DLGAP2: variants seen among roughly 807,000 people sequenced by gnomAD.
The protein encoded by DLGAP2 is disks large-associated protein 2.
DLGAP2 carries 26 observed loss-of-function variants against 100.3 expected under a neutral mutation model. That is an observed-to-expected ratio of 0.26 (90% CI 0.19 to 0.36). The LOEUF (loss-of-function observed/expected upper bound fraction) is 0.36. Ranked by LOEUF, DLGAP2 falls within the 10% of genes least tolerant of loss-of-function variation. The pLI is 1.00. For synonymous variants in DLGAP2, 886 were observed against 630.1 expected (o/e 1.41, Z -6.08); for missense variants, 1,858 against 1,453.2 (o/e 1.28, Z -4.53).
chr8:1,357,540 T>G (rs1000867819), intron 3 of DLGAP2, among the ~76,000 whole-genome samples: 2 of 152,108 alleles, frequency 1.3e-5, no homozygotes, highest in African/African-American at 2.4e-5. Context: ...ACAGCAAATA[T>G]TTCCCGCCTC....
intron 2 of DLGAP2, among the ~76,000 whole-genome samples, chr8:961,710 CTA>C (rs531702421): frequency 1.7e-4 from 26 of 152,088 alleles, no homozygotes; most frequent in Non-Finnish European, 1.9e-4. Context: ...TAAAACATAA[CTA>C]TGTGAAAATT....
chr8:922,234 C>G (rs2129001664), intron 2 of DLGAP2, among the ~76,000 whole-genome samples: 1 of 152,328 alleles, frequency 6.6e-6, no homozygotes, highest in East Asian at 1.9e-4. Context: ...AGCCTTCTCT[C>G]TTCTCTAACC....
At chr8:927,502 A>G (rs1229669842) in intron 2 of DLGAP2, among the ~76,000 whole-genome samples, 1 of 152,160 alleles carries the variant, frequency 6.6e-6, no homozygotes, top group Non-Finnish European at 1.5e-5. Flanking sequence ...AGGTCCTTAA[A>G]GTTCAAAGTC....
chr8:850,025 C>CT (rs1484295104), intron 1 of DLGAP2, among the ~76,000 whole-genome samples: 2 of 148,054 alleles, frequency 1.4e-5, no homozygotes, highest in Admixed American at 1.4e-4. Flanking sequence ...GATTGTGCCA[C>CT]GCACTCCAGC....
chr8:1,267,970 A>T (rs977197821), intron 3 of DLGAP2, among the ~76,000 whole-genome samples: 1 of 152,230 alleles, frequency 6.6e-6, no homozygotes, highest in Non-Finnish European at 1.5e-5. Flanking sequence ...TGCTGCATTT[A>T]GAATCAGAGG....
intron 1 of DLGAP2, among the ~76,000 whole-genome samples, chr8:773,568 A>G (rs1288347448): frequency 2.3e-4 from 33 of 145,190 alleles, no homozygotes; most frequent in Non-Finnish European, 1.6e-4. Context: ...TCATTGTTCA[A>G]TTCCCACCTA....
At chr8:1,188,486 G>A (rs147137109) in intron 2 of DLGAP2, among the ~76,000 whole-genome samples, 9,054 of 128,444 alleles carry the variant, frequency 0.07, 515 homozygotes, top group South Asian at 0.13. Flanking sequence ...CTTCCGTGAC[G>A]TTTCCCTCAC....
intron 2 of DLGAP2, among the ~76,000 whole-genome samples, chr8:1,171,976 T>C (rs942182267): frequency 9.2e-5 from 14 of 152,296 alleles, no homozygotes; most frequent in African/African-American, 3.4e-4. Context: ...TTCTTCCTAG[T>C]CTGGATGGTC....
intron 1 of DLGAP2, among the ~76,000 whole-genome samples, chr8:779,425 C>T (rs867394440): frequency 3.9e-5 from 6 of 152,106 alleles, no homozygotes; most frequent in South Asian, 2.1e-4. Context: ...CAGTTCAGTC[C>T]AGAGCATGCT....
At chr8:1,298,446 G>A (rs1800244885) in intron 3 of DLGAP2, among the ~76,000 whole-genome samples, 1 of 152,148 alleles carries the variant, frequency 6.6e-6, no homozygotes, top group South Asian at 2.1e-4. Context: ...GTTCTGTACT[G>A]GGGTATAAAT....
intron 2 of DLGAP2, among the ~76,000 whole-genome samples, chr8:1,174,928 C>T (rs1797221648): frequency 6.6e-6 from 1 of 151,726 alleles, no homozygotes; most frequent in Non-Finnish European, 1.5e-5. Context: ...TTATGTTGTT[C>T]ATCACCCTTC....
chr8:1,427,381 A>C (rs1328438499), intron 3 of DLGAP2, among the ~76,000 whole-genome samples: 1 of 152,254 alleles, frequency 6.6e-6, no homozygotes, highest in African/African-American at 2.4e-5. Context: ...AAGAGTAACA[A>C]AATCAATTAC....
chr8:1,690,672 C>G (rs1034182231), intron 12 of DLGAP2, among the ~76,000 whole-genome samples: 1 of 137,354 alleles, frequency 7.3e-6, no homozygotes, highest in Non-Finnish European at 1.5e-5. Context: ...CCACTCCACT[C>G]CAGCCTGGGC....
chr8:1,697,406 C>A, intron 14 of DLGAP2, 107 bp downstream of exon 14: 1 of 1,456,446 alleles, frequency 6.9e-7, no homozygotes, highest in Non-Finnish European at 9.2e-7. Flanking sequence ...CTTTTGCTGG[C>A]AACACACGAG....
chr8:1,303,311 C>G (rs531452828), intron 3 of DLGAP2, among the ~76,000 whole-genome samples: 4 of 150,378 alleles, frequency 2.7e-5, no homozygotes, highest in African/African-American at 4.9e-5. Context: ...GCAGGAGAAT[C>G]GTTTGAACCC....
intron 3 of DLGAP2, among the ~76,000 whole-genome samples, chr8:1,382,109 C>T (rs769841445): frequency 2.0e-5 from 3 of 152,164 alleles, no homozygotes; most frequent in Non-Finnish European, 4.4e-5. Flanking sequence ...CTGCTGATAG[C>T]CTCCTGTTAA....
At chr8:1,224,595 G>T (rs1198949644) in intron 2 of DLGAP2, among the ~76,000 whole-genome samples, 1 of 152,026 alleles carries the variant, frequency 6.6e-6, no homozygotes, top group East Asian at 1.9e-4. Flanking sequence ...CAACAAAATT[G>T]TTAAGCCTTT....
chr8:1,321,824 T>A (rs989662175), intron 3 of DLGAP2, among the ~76,000 whole-genome samples: 2 of 152,210 alleles, frequency 1.3e-5, no homozygotes, highest in Non-Finnish European at 2.9e-5. Context: ...TGGTGATTAT[T>A]TGGATTCTGG....
intron 2 of DLGAP2, among the ~76,000 whole-genome samples, chr8:919,422 G>C (rs1798662224): frequency 2.0e-5 from 3 of 152,290 alleles, no homozygotes; most frequent in African/African-American, 7.2e-5. Flanking sequence ...GAGTGGGGAA[G>C]GGAAGCTGGT....
Sources: allele counts gnomAD v4.1 joint callset (sites outside exome capture counted in the v4.1 genomes callset), GRCh38; gene constraint gnomAD v4.1.1; transcripts MANE v1.5; gene names NCBI Gene and HGNC (gene_info 2026-07-23, HGNC 2026-07-21).